The following LRRC4C variants were observed in gnomAD, a reference collection of about 807,000 sequenced individuals.
The protein encoded by LRRC4C is leucine rich repeat containing 4C, also known as leucine-rich repeat-containing protein 4C.
Under a neutral mutation model 33.6 loss-of-function variants are expected in LRRC4C, and 5 were observed. That is an observed-to-expected ratio of 0.15 (90% CI 0.08 to 0.31). The LOEUF (loss-of-function observed/expected upper bound fraction) is 0.31, where lower values mean the gene tolerates loss of function less well. Ranked by LOEUF, LRRC4C falls within the 10% of genes least tolerant of loss-of-function variation. LRRC4C has a pLI of 1.00. For synonymous variants in LRRC4C, 329 were observed against 302.0 expected, an observed-to-expected ratio of 1.09 and a Z score of -0.93; for missense variants, 560 against 796.7, an observed-to-expected ratio of 0.70 and a Z score of 3.58.
At chr11:41,408,538 G>A (rs1954327470) in intron 1 of LRRC4C, among the ~76,000 whole-genome samples, 3 of 152,166 alleles carry the variant, frequency 2.0e-5, no homozygotes, top group South Asian at 2.1e-4. Flanking sequence ...TTAGAATACT[G>A]TACCAATGTT....
chr11:41,398,150 A>G (rs966935823), intron 1 of LRRC4C, among the ~76,000 whole-genome samples: 2 of 151,966 alleles, frequency 1.3e-5, no homozygotes, highest in Admixed American at 6.6e-5. Context: ...AAAATACTAA[A>G]TAAAAACAAC....
At chr11:40,561,138 C>T (rs1420599040) in intron 3 of LRRC4C, among the ~76,000 whole-genome samples, 1 of 152,078 alleles carries the variant, frequency 6.6e-6, no homozygotes, top group African/African-American at 2.4e-5. Flanking sequence ...CTGCGTTCCC[C>T]GGGTTGCTCA....
In LRRC4C at chr11:41,028,988, GTA is replaced by G. The variant is rs1856556710; in HGVS notation, c.-495-95267_-495-95266del. Among the ~76,000 whole-genome samples, 11 of 151,526 alleles carry G rather than the reference GTA, an allele frequency of 7.3e-5. No individual in the cohort carries two copies. In the Admixed American group the frequency reaches 7.3e-4, roughly 10 times the overall value. On this transcript the variant is annotated intron_variant, in intron 1 of 6. Coordinates refer to ENST00000528697, the MANE Select transcript of LRRC4C (RefSeq NM_001258419.2). ...CACATTTATATGTATATACATTCAC[GTA>G]TATATGTCTTCATATACTTATGCAC...
At chr11:40,154,287 C>CAAAAAAAAA (rs60017606) in intron 5 of LRRC4C, among the ~76,000 whole-genome samples, 7 of 114,210 alleles carry the variant, frequency 6.1e-5, no homozygotes, top group East Asian at 2.6e-4. Context: ...AGCTAAAAAG[C>CAAAAAAAAA]AAAAAAAAAA....
At chr11:40,647,611 T>C (rs766554915) in intron 3 of LRRC4C, among the ~76,000 whole-genome samples, 12 of 152,204 alleles carry the variant, frequency 7.9e-5, no homozygotes, top group Non-Finnish European at 1.2e-4. Context: ...ACAGAAAATA[T>C]TTTCATGCTG....
intron 5 of LRRC4C, among the ~76,000 whole-genome samples, chr11:40,181,145 C>T (rs1860966024): frequency 6.6e-6 from 1 of 152,176 alleles, no homozygotes; most frequent in South Asian, 2.1e-4. Context: ...CCACAATTCT[C>T]TCCAGGAAGG....
intron 1 of LRRC4C, among the ~76,000 whole-genome samples, chr11:41,103,183 A>G (rs575842552): frequency 6.6e-6 from 1 of 152,042 alleles, no homozygotes; most frequent in African/African-American, 2.4e-5. Context: ...TCACACAGCA[A>G]TTGATAAGTA....
At position 40,482,076 on chromosome 11, in the gene LRRC4C, T is replaced by A. The variant is rs1401573579; in HGVS notation, c.-269-162355A>T. Among the ~76,000 whole-genome samples the A allele has an allele frequency of 1.2e-4, 19 of 152,200 alleles. 1 individual carries two copies. Among genetic ancestry groups the A allele is most frequent in the Non-Finnish European group, 1.0e-4 (7 of 68,028 alleles). ...TCTGTCACTTGTAGCATCTACCACT[T>A]GGTTCATTAGAGACATAAATTTCAC... On this transcript the variant is annotated intron_variant, in intron 3 of 6. Coordinates refer to ENST00000528697, the MANE Select transcript of LRRC4C (RefSeq NM_001258419.2).
chr11:40,265,838 G>A lies in LRRC4C; in HGVS notation c.-175-24240C>T, dbSNP rs558892077. Among the ~76,000 whole-genome samples the A allele has an allele frequency of 1.6e-4, 25 of 152,244 alleles. No homozygotes were observed. The East Asian group carries it at 2.7e-3, about 16-fold the overall frequency. On this transcript the variant is annotated intron_variant, in intron 4 of 6. Transcript: ENST00000528697. ...AATTCACGGTGATTTGAGTTGCTGC[G>A]GGGGCAATGGCAAATCTAAACATAA...
At chr11:40,466,322 C>A (rs963701008) in intron 3 of LRRC4C, among the ~76,000 whole-genome samples, 6 of 151,926 alleles carry the variant, frequency 3.9e-5, no homozygotes, top group African/African-American at 1.2e-4. Flanking sequence ...ACAATGTACA[C>A]TATTCAGGTG....
chr11:40,758,044 A>G (rs1244695889), intron 2 of LRRC4C, among the ~76,000 whole-genome samples: 1 of 152,052 alleles, frequency 6.6e-6, no homozygotes, highest in African/African-American at 2.4e-5. Flanking sequence ...CAATGCAGTG[A>G]CGTTGTTGGA....
chr11:40,389,180 A>T (rs575196366), intron 3 of LRRC4C, among the ~76,000 whole-genome samples: 33 of 152,236 alleles, frequency 2.2e-4, no homozygotes, highest in Middle Eastern at 3.4e-3. Context: ...TTGAAAGGAG[A>T]TATAAATCAG....
At chr11:41,419,413 T>C (rs1445883284) in intron 1 of LRRC4C, among the ~76,000 whole-genome samples, 1 of 151,756 alleles carries the variant, frequency 6.6e-6, no homozygotes, top group Admixed American at 6.6e-5. Context: ...CATCGAGAGA[T>C]TGATGCAATT....
chr11:40,247,377 T>C (rs1432827575), intron 4 of LRRC4C, among the ~76,000 whole-genome samples: 3 of 152,198 alleles, frequency 2.0e-5, no homozygotes, highest in Non-Finnish European at 2.9e-5. Context: ...AACACAGGAC[T>C]GACCATGGGT....
intron 2 of LRRC4C, among the ~76,000 whole-genome samples, chr11:40,673,052 A>G (rs1390503717): frequency 6.6e-6 from 1 of 152,092 alleles, no homozygotes; most frequent in Middle Eastern, 3.2e-3. Flanking sequence ...AAAACAGTTA[A>G]GTAGCAAGAA....
At chr11:40,461,210 T>C (rs1205564123) in intron 3 of LRRC4C, among the ~76,000 whole-genome samples, 1 of 152,130 alleles carries the variant, frequency 6.6e-6, no homozygotes, top group African/African-American at 2.4e-5. Flanking sequence ...AAATGAGAAC[T>C]CAGAAGCACT....
chr11:40,718,280 G>C (rs1452130349), intron 2 of LRRC4C, among the ~76,000 whole-genome samples: 1 of 152,158 alleles, frequency 6.6e-6, no homozygotes, highest in Non-Finnish European at 1.5e-5. Flanking sequence ...CAGGCATCTT[G>C]TGTGTAGAAG....
intron 4 of LRRC4C, among the ~76,000 whole-genome samples, chr11:40,310,124 C>G (rs945620924): frequency 6.6e-6 from 1 of 152,198 alleles, no homozygotes; most frequent in South Asian, 2.1e-4. Flanking sequence ...ACTTATTTCC[C>G]GCAGCCCTAT....
intron 1 of LRRC4C, among the ~76,000 whole-genome samples, chr11:41,287,579 T>C (rs1354883915): frequency 6.6e-6 from 1 of 152,188 alleles, no homozygotes; most frequent in Non-Finnish European, 1.5e-5. Flanking sequence ...ATGAATAGAA[T>C]TGTAGGTTTC....
Sources: allele counts gnomAD v4.1 joint callset (sites outside exome capture counted in the v4.1 genomes callset), GRCh38; gene constraint gnomAD v4.1.1; transcripts MANE v1.5; gene names NCBI Gene and HGNC (gene_info 2026-07-23, HGNC 2026-07-21).